The following MALAT1 variants were observed in gnomAD, a reference collection of about 807,000 sequenced individuals.
MALAT1 encodes the protein metastasis associated lung adenocarcinoma transcript 1.
At chr11:65,500,719 A>G (rs1255567189) in exon 3 of MALAT1, 1 of 518,868 alleles carries the variant, frequency 1.9e-6, no homozygotes, top group African/African-American at 1.9e-5. Flanking sequence ...AGGATCCTAG[A>G]CCAGCATGCC....
At chr11:65,501,820 C>T (rs745523071) in exon 3 of MALAT1, 1 of 517,744 alleles carries the variant, frequency 1.9e-6, no homozygotes. Context: ...AATAATGTGA[C>T]TTCTTAAAAG....
intron 1 of MALAT1, chr11:65,498,660 C>T (rs1341903904): frequency 9.6e-6 from 5 of 518,148 alleles, no homozygotes; most frequent in Admixed American, 1.9e-5. Flanking sequence ...TGAACTATCA[C>T]ACTTTAATCT....
intron 1 of MALAT1, chr11:65,498,317 A>T (rs780775643): frequency 3.9e-6 from 2 of 518,078 alleles, no homozygotes; most frequent in South Asian, 1.4e-5. Flanking sequence ...CGGTAGAAAA[A>T]TTTCCGTGCG....
At chr11:65,505,256 C>G (rs1035975399) in intron 3 of MALAT1, 7 of 518,214 alleles carry the variant, frequency 1.4e-5, no homozygotes, top group South Asian at 9.8e-5. Context: ...GCAGGAGAGA[C>G]AACAAAGCGC....
chr11:65,505,700 T>TAAA (rs1565057549), intron 3 of MALAT1: 1 of 519,008 alleles, frequency 1.9e-6, no homozygotes, highest in Non-Finnish European at 3.8e-6. Context: ...GGTTGAACTA[T>TAAA]GTTAGAAAAG....
At chr11:65,500,333 A>T (rs757424935) in exon 3 of MALAT1, 1 of 518,546 alleles carries the variant, frequency 1.9e-6, no homozygotes, top group South Asian at 1.4e-5. Context: ...ATGTTTTTGC[A>T]TTGGACTTTG....
At chr11:65,498,355 G>C (rs562585665) in intron 1 of MALAT1, 2 of 517,966 alleles carry the variant, frequency 3.9e-6, no homozygotes, top group African/African-American at 3.8e-5. Context: ...GGCAACTGGG[G>C]GGCCGCAGAT....
At chr11:65,500,351 A>G in exon 3 of MALAT1, 1 of 518,644 alleles carries the variant, frequency 1.9e-6, no homozygotes, top group African/African-American at 1.9e-5. Context: ...TTGAGTTAAG[A>G]TTATTTTTTA....
exon 3 of MALAT1, chr11:65,499,430 T>TA: frequency 2.1e-6 from 1 of 476,012 alleles, no homozygotes; most frequent in Non-Finnish European, 4.2e-6. Context: ...GAAGGTGACT[T>TA]AAACAGCTTA....
exon 3 of MALAT1, chr11:65,502,070 A>AT (rs1333277011): frequency 3.9e-6 from 2 of 517,674 alleles, no homozygotes; most frequent in Non-Finnish European, 7.7e-6. Flanking sequence ...GGGAAGTTAA[A>AT]TATGAGCCAC....
chr11:65,499,756 A>C (rs985283544), exon 3 of MALAT1: 3 of 433,124 alleles, frequency 6.9e-6, no homozygotes, highest in African/African-American at 6.2e-5. Context: ...GAAAAAAGAT[A>C]AATTTAAACC....
chr11:65,504,798 T>C (rs747819008), intron 3 of MALAT1: 13 of 518,892 alleles, frequency 2.5e-5, no homozygotes, highest in Non-Finnish European at 5.0e-5. Context: ...TCCCCTCCCT[T>C]GGTCTTAATT....
exon 3 of MALAT1, chr11:65,502,862 AC>A (rs1565054174): frequency 2.0e-6 from 1 of 496,400 alleles, no homozygotes; most frequent in Non-Finnish European, 4.0e-6. Context: ...ATTTAAAGTT[AC>A]GGAATCTACC....
exon 3 of MALAT1, chr11:65,500,036 T>G (rs1286761569): frequency 1.2e-5 from 5 of 433,080 alleles, no homozygotes; most frequent in Admixed American, 1.1e-4. Flanking sequence ...CCCATCAATT[T>G]AATTTCTGGT....
chr11:65,502,583 T>G, exon 3 of MALAT1: 1 of 483,910 alleles, frequency 2.1e-6, no homozygotes, highest in Non-Finnish European at 4.0e-6. Context: ...TGAATGTCTC[T>G]TAGAGGGTGG....
At chr11:65,505,851 G>T (rs1854677823) in intron 3 of MALAT1, 1 of 469,998 alleles carries the variant, frequency 2.1e-6, no homozygotes, top group Non-Finnish European at 4.2e-6. Flanking sequence ...TGTAATGCTG[G>T]GTGGGAACAT....
At chr11:65,501,152 C>T (rs754768406) in exon 3 of MALAT1, 3 of 508,906 alleles carry the variant, frequency 5.9e-6, no homozygotes, top group Non-Finnish European at 7.7e-6. Flanking sequence ...CCTGTTTTTA[C>T]TTCCTCACCC....
At chr11:65,501,541 A>AG (rs1169369756) in exon 3 of MALAT1, 1 of 518,738 alleles carries the variant, frequency 1.9e-6, no homozygotes, top group African/African-American at 1.9e-5. Context: ...TGGTCTTAAC[A>AG]GGGAAGAGAG....
chr11:65,502,000 G>T lies in MALAT1; in HGVS notation n.3263G>T, dbSNP rs540418376. 5.1e-5 allele frequency: 26 copies of T among 513,526 alleles called. No homozygotes were observed. The East Asian group carries it at 1.1e-3, about 22-fold the overall frequency. The allele number at this position is 513,526 out of a possible 1,614,324, so 31.8% of individuals were successfully genotyped here. A position where few individuals can be genotyped will look rare whatever the true frequency, so the allele number is the denominator to read the frequency against. ...AAAGTAAAGAAATATCAACTTCCAA[G>T]TTGGCAAGTAACTCCCAATGATTTA... On this transcript the variant is annotated non_coding_transcript_exon_variant, in exon 3 of 4. Coordinates refer to ENST00000619449, the Ensembl canonical transcript of MALAT1.
Sources: allele counts gnomAD v4.1 joint callset, GRCh38; gene constraint gnomAD v4.1.1; transcripts MANE v1.5; gene names NCBI Gene and HGNC (gene_info 2026-07-23, HGNC 2026-07-21).